Variants in HMCN1 observed in about 807,000 individuals in gnomAD.
HMCN1 encodes the protein hemicentin-1.
Under a neutral mutation model 625.9 loss-of-function variants are expected in HMCN1, and 321 were observed. The observed-to-expected ratio is 0.51, with a 90% confidence interval of 0.47 to 0.56. The LOEUF (loss-of-function observed/expected upper bound fraction) is 0.56, where lower values mean the gene tolerates loss of function less well. HMCN1 is among the 20% of genes least tolerant of loss of function. The pLI, the probability that HMCN1 is intolerant of heterozygous loss-of-function variation, is 0.00. For missense variants in HMCN1, 6,588 were observed against 6,887.3 expected (o/e 0.96, Z 1.54); for synonymous variants, 2,425 against 2,417.6 (o/e 1.00, Z -0.09).
chr1:186,160,927 T>A (rs1229709295), intron 97 of HMCN1, among the ~76,000 whole-genome samples: 1 of 151,908 alleles, frequency 6.6e-6, no homozygotes, highest in Non-Finnish European at 1.5e-5. Context: ...TCTGTAGATG[T>A]CTATTAGGTC....
chr1:186,058,806 A>AT (rs1657506880), intron 46 of HMCN1, among the ~76,000 whole-genome samples: 1 of 151,836 alleles, frequency 6.6e-6, no homozygotes, highest in Non-Finnish European at 1.5e-5. Context: ...TTCAGAAAAG[A>AT]TTTTTTCCTA....
At chr1:185,999,327 TA>T (rs1315840140) in intron 25 of HMCN1, among the ~76,000 whole-genome samples, 1 of 152,094 alleles carries the variant, frequency 6.6e-6, no homozygotes, top group African/African-American at 2.4e-5. Flanking sequence ...ATTGTTAGTA[TA>T]GATTTAATGT....
At chr1:185,951,722 G>A (rs568612187) in intron 11 of HMCN1, among the ~76,000 whole-genome samples, 1 of 151,908 alleles carries the variant, frequency 6.6e-6, no homozygotes, top group Non-Finnish European at 1.5e-5. Flanking sequence ...CGGGCTGAGG[G>A]CATTTCTTGG....
chr1:186,000,309 C>A, intron 26 of HMCN1, 70 bp downstream of exon 26: 1 of 1,130,654 alleles, frequency 8.8e-7, no homozygotes, highest in Non-Finnish European at 1.3e-6. Flanking sequence ...AAATTATTCT[C>A]TCAGTGTAAT....
chr1:185,980,735 A>G (rs930536055), intron 16 of HMCN1, among the ~76,000 whole-genome samples: 1 of 152,142 alleles, frequency 6.6e-6, no homozygotes, highest in Non-Finnish European at 1.5e-5. Flanking sequence ...ATATTACCTC[A>G]GTGTGAATCC....
At chr1:185,768,005 C>A (rs889457570) in intron 1 of HMCN1, among the ~76,000 whole-genome samples, 5 of 152,066 alleles carry the variant, frequency 3.3e-5, no homozygotes, top group African/African-American at 1.2e-4. Context: ...ATGTTAATAG[C>A]CCTTAACAAG....
intron 2 of HMCN1, among the ~76,000 whole-genome samples, chr1:185,851,805 A>ACC (rs71557836): frequency 1.3e-5 from 2 of 151,136 alleles, no homozygotes; most frequent in Admixed American, 1.3e-4. Flanking sequence ...GTAAACACAC[A>ACC]CCCCCCCCAA....
chr1:185,990,394 A>G lies in HMCN1; in HGVS notation c.3328A>G (p.Ile1110Val). ...TGAAGTGAAGAGCTTACCTCCACCC[A>G]TAATTACTTGGGCCAAAGAAACCCA... is the stretch of plus-strand genomic sequence containing the variant. The part of the protein sequence containing the change: ...PCEVKSLPPP[I>V]ITWAKETQLI... The change falls in exon 22 of 107, where the codon ATA (isoleucine) becomes GTA (valine). Residue 1110 changes from isoleucine to valine, a missense_variant. Transcript: ENST00000271588. 1 of 1,614,104 alleles carries G rather than the reference A, an allele frequency of 6.2e-7. No individual in the cohort carries two copies. The highest frequency in any genetic ancestry group is 8.5e-7 in the Non-Finnish European group (1 of 1,179,950).
At chr1:186,151,144 T>C (rs888173259) in intron 93 of HMCN1, 56 bp from the exon 94 acceptor site, 8 of 1,570,932 alleles carry the variant, frequency 5.1e-6, no homozygotes, top group South Asian at 1.1e-5. Flanking sequence ...TTTTCTCCCA[T>C]GTAATGTTGA....
intron 28 of HMCN1, among the ~76,000 whole-genome samples, chr1:186,002,529 T>C (rs1026103036): frequency 1.1e-4 from 16 of 152,194 alleles, no homozygotes; most frequent in African/African-American, 3.8e-4. Flanking sequence ...ATCACCATTA[T>C]TATATTTAAG....
At chr1:185,941,628 C>G (rs1668086231) in intron 11 of HMCN1, among the ~76,000 whole-genome samples, 1 of 152,164 alleles carries the variant, frequency 6.6e-6, no homozygotes, top group Non-Finnish European at 1.5e-5. Context: ...CGTAATTTCT[C>G]TGCCAAATGT....
intron 46 of HMCN1, among the ~76,000 whole-genome samples, chr1:186,058,712 A>G (rs950865133): frequency 5.9e-5 from 9 of 151,996 alleles, no homozygotes; most frequent in African/African-American, 2.2e-4. Flanking sequence ...GCTTGCTTAA[A>G]ATCAAGATGA....
chr1:186,022,990 T>C (rs1336493294), intron 35 of HMCN1, 40 bp from the exon 36 acceptor site: 2 of 1,601,140 alleles, frequency 1.2e-6, no homozygotes, highest in Admixed American at 3.3e-5. Context: ...AATCCAAGTA[T>C]AAGATACAAA....
intron 57 of HMCN1, among the ~76,000 whole-genome samples, chr1:186,083,750 ATATGTAGTGAGTATTGG>A (rs1301068983): frequency 3.3e-4 from 50 of 152,250 alleles, no homozygotes; most frequent in South Asian, 2.5e-3. Flanking sequence ...CTTTGGTGTG[ATATGTAGTGAGTATTGG>A]TATCTAGCAG....
intron 35 of HMCN1, 110 bp from the exon 36 acceptor site, chr1:186,022,920 G>A: frequency 1.8e-6 from 2 of 1,124,748 alleles, no homozygotes; most frequent in Non-Finnish European, 2.7e-6. Context: ...ATATTGGCAT[G>A]AAAATATTGT....
intron 61 of HMCN1, 35 bp downstream of exon 61, chr1:186,088,048 CT>C: frequency 6.2e-7 from 1 of 1,611,172 alleles, no homozygotes; most frequent in Admixed American, 1.7e-5. Flanking sequence ...TCTTTTTCCC[CT>C]AGATATGCAA....
rs749519841 is a variant in HMCN1 at position 186,088,291 on chromosome 1, C to A, written c.9577+15C>A. 1 of 1,612,078 alleles carries A rather than the reference C, an allele frequency of 6.2e-7. No individual in the cohort carries two copies. Among genetic ancestry groups the A allele is most frequent in the Non-Finnish European group, 8.5e-7 (1 of 1,178,780 alleles). ...CAAGCGCATAGGTAAGGCAACCATGCATTTTTGTGTGTGTGTGTGTTTTTT... is the reference window on the plus strand; with the variant it reads ...CAAGCGCATAGGTAAGGCAACCATGAATTTTTGTGTGTGTGTGTGTTTTTT... On this transcript the variant is annotated intron_variant, in intron 62 of 106. Coordinates refer to ENST00000271588, the MANE Select transcript of HMCN1 (RefSeq NM_031935.3).
chr1:185,967,112 A>G (rs1219255065), intron 14 of HMCN1, among the ~76,000 whole-genome samples: 2 of 152,210 alleles, frequency 1.3e-5, no homozygotes, highest in Non-Finnish European at 2.9e-5. Flanking sequence ...AATTAAATAT[A>G]TCAAGAAAAT....
chr1:185,751,191 A>G (rs1201831879), intron 1 of HMCN1, among the ~76,000 whole-genome samples: 1 of 152,082 alleles, frequency 6.6e-6, no homozygotes, highest in African/African-American at 2.4e-5. Flanking sequence ...ATTCTCTAGT[A>G]GTTTTTTCAG....
Sources: allele counts gnomAD v4.1 joint callset (sites outside exome capture counted in the v4.1 genomes callset), GRCh38; gene constraint gnomAD v4.1.1; transcripts MANE v1.5; gene names NCBI Gene and HGNC (gene_info 2026-07-23, HGNC 2026-07-21).